Variants in ROBO1 observed in about 807,000 individuals in gnomAD.
The protein encoded by ROBO1 is roundabout guidance receptor 1, also known as roundabout homolog 1.
A neutral mutation model predicts 195.9 loss-of-function variants in ROBO1; 149 were observed. The observed-to-expected ratio is 0.76, with a 90% CI of 0.67 to 0.87. The LOEUF (loss-of-function observed/expected upper bound fraction) is 0.87, where lower values mean the gene tolerates loss of function less well. Among genes scored for constraint, ROBO1 ranks in the 40% least tolerant of loss-of-function variants. The pLI is 0.00. For missense variants in ROBO1, 1,933 were observed against 2,068.3 expected (o/e 0.93, Z 1.27); for synonymous variants, 816 against 733.2 (o/e 1.11, Z -1.82).
At chr3:78,808,690 C>G (rs1033014646) in intron 4 of ROBO1, among the ~76,000 whole-genome samples, 2 of 152,274 alleles carry the variant, frequency 1.3e-5, no homozygotes, top group East Asian at 3.9e-4. Flanking sequence ...AGAAATAACA[C>G]CACGCATCTA....
In ROBO1 at chr3:78,600,307, C is replaced by A. The variant is rs148657018; in HGVS notation, c.4747G>T (p.Asp1583Tyr). ...GTAGGTCTACAATAAGGTAGAATAT[C>A]CTCTGTGTAATGAAATATAATAAAT... The part of the protein sequence containing the change: ...PPAKTHLIQE[D>Y]ILPYCRPTFP... The change falls in exon 30 of 31, where the codon GAT becomes TAT. Residue 1583 changes from aspartate (D) to tyrosine (Y), a missense_variant and splice_region_variant. Physicochemically the swap from Asp to Tyr is radical, Grantham distance 160. Coordinates refer to ENST00000464233, the MANE Select transcript of ROBO1 (RefSeq NM_002941.4). 6.3e-7 allele frequency: 1 copy of A among 1,593,142 alleles called. No individual in the cohort carries two copies. Among genetic ancestry groups the A allele is most frequent in the Non-Finnish European group, 8.6e-7 (1 of 1,161,446 alleles).
intron 2 of ROBO1, among the ~76,000 whole-genome samples, chr3:79,208,687 ATGTGTGTGTGTGTGTGTGTG>A (rs59970776): frequency 2.1e-5 from 3 of 145,214 alleles, no homozygotes; most frequent in Admixed American, 1.4e-4. Flanking sequence ...GTGGTGGGGC[ATGTGTGTGTGTGTGTGTGTG>A]TGTGTGTGTG....
intron 1 of ROBO1, among the ~76,000 whole-genome samples, chr3:79,694,409 T>C (rs1947383162): frequency 2.0e-5 from 3 of 151,936 alleles, no homozygotes; most frequent in Middle Eastern, 3.4e-3. Flanking sequence ...TACAGTGATG[T>C]ATGCTGTGAA....
chr3:78,666,267 G>A (rs1169209904), intron 14 of ROBO1, among the ~76,000 whole-genome samples: 2 of 152,092 alleles, frequency 1.3e-5, no homozygotes, highest in African/African-American at 2.4e-5. Flanking sequence ...TATTAGCAGC[G>A]TGAGAAGAGA....
At chr3:79,684,885 G>T (rs1037348924) in intron 1 of ROBO1, among the ~76,000 whole-genome samples, 24 of 151,574 alleles carry the variant, frequency 1.6e-4, no homozygotes, top group Admixed American at 1.6e-3. Flanking sequence ...CGTGTTGCCC[G>T]GGCCGGTTGC....
chr3:79,233,339 A>G (rs2082352497), intron 2 of ROBO1, among the ~76,000 whole-genome samples: 1 of 152,134 alleles, frequency 6.6e-6, no homozygotes, highest in African/African-American at 2.4e-5. Context: ...ACAAGGAAAT[A>G]TAATCACAGA....
At chr3:79,354,079 A>C (rs2109277233) in intron 2 of ROBO1, among the ~76,000 whole-genome samples, 1 of 152,176 alleles carries the variant, frequency 6.6e-6, no homozygotes, top group Non-Finnish European at 1.5e-5. Context: ...TTATTGTAAT[A>C]GTTTAGGAAG....
intron 5 of ROBO1, among the ~76,000 whole-genome samples, chr3:78,728,526 T>C (rs2082216640): frequency 6.6e-5 from 10 of 152,036 alleles, no homozygotes; most frequent in Admixed American, 6.5e-4. Context: ...TTACAAATTA[T>C]TCACTAGTCT....
intron 2 of ROBO1, among the ~76,000 whole-genome samples, chr3:79,158,127 G>T (rs1237978935): frequency 6.6e-6 from 1 of 151,534 alleles, no homozygotes; most frequent in Non-Finnish European, 1.5e-5. Flanking sequence ...CAACACTCCT[G>T]CCAAAAACAA....
intron 4 of ROBO1, among the ~76,000 whole-genome samples, chr3:78,833,244 A>G (rs2032395749): frequency 6.6e-6 from 1 of 152,204 alleles, no homozygotes; most frequent in Admixed American, 6.5e-5. Context: ...AATCATTCAT[A>G]AAACTAGTTC....
intron 1 of ROBO1, among the ~76,000 whole-genome samples, chr3:79,687,216 T>C (rs894469032): frequency 2.0e-5 from 3 of 152,008 alleles, no homozygotes; most frequent in Non-Finnish European, 4.4e-5. Context: ...AAAAATAAAT[T>C]CAAGATGGAT....
intron 1 of ROBO1, among the ~76,000 whole-genome samples, chr3:79,750,199 G>A (rs912396819): frequency 1.3e-5 from 2 of 152,204 alleles, no homozygotes; most frequent in African/African-American, 4.8e-5. Flanking sequence ...GAATTGCATG[G>A]GGGCTGTGGC....
At chr3:78,963,581 C>A (rs571941589) in intron 3 of ROBO1, among the ~76,000 whole-genome samples, 1 of 126,776 alleles carries the variant, frequency 7.9e-6, no homozygotes, top group African/African-American at 3.0e-5. Context: ...TGCAGTGGCG[C>A]GATCTCGGCT....
At position 79,325,693 on chromosome 3, in the gene ROBO1, A is replaced by G. The variant is rs560970653; in HGVS notation, c.89-200154T>C. On this transcript the variant is annotated intron_variant, in intron 2 of 30. Coordinates refer to ENST00000464233, the MANE Select transcript of ROBO1 (RefSeq NM_002941.4). ...CATAAATTGTGAAGATTTCATGGAC[A>G]CTTATCACTTCCCCAAGTGATTTCC... Among the ~76,000 whole-genome samples the G allele has an allele frequency of 7.2e-5, 11 of 152,318 alleles. 1 individual carries two copies. The South Asian group carries it at 2.3e-3, about 32-fold the overall frequency.
At chr3:79,346,024 G>A (rs370736014) in intron 2 of ROBO1, among the ~76,000 whole-genome samples, 56 of 152,174 alleles carry the variant, frequency 3.7e-4, no homozygotes, top group Non-Finnish European at 7.2e-4. Context: ...AGGATAATTC[G>A]TAGGTCAAGA....
At chr3:78,882,812 C>CTTTT (rs34634729) in intron 4 of ROBO1, among the ~76,000 whole-genome samples, 2 of 136,486 alleles carry the variant, frequency 1.5e-5, no homozygotes, top group African/African-American at 2.7e-5. Flanking sequence ...TCTTCCTAAT[C>CTTTT]TTTTTTTTTT....
At chr3:79,517,920 C>A (rs1941021333) in intron 2 of ROBO1, among the ~76,000 whole-genome samples, 1 of 152,088 alleles carries the variant, frequency 6.6e-6, no homozygotes, top group South Asian at 2.1e-4. Flanking sequence ...ATCATTTAAT[C>A]CCTTTCAGGA....
At chr3:79,600,918 A>G (rs766497715) in intron 1 of ROBO1, among the ~76,000 whole-genome samples, 1 of 152,010 alleles carries the variant, frequency 6.6e-6, no homozygotes, top group Non-Finnish European at 1.5e-5. Flanking sequence ...ACAACTTACT[A>G]TGCACCATCC....
At chr3:79,290,631 C>T (rs957970564) in intron 2 of ROBO1, among the ~76,000 whole-genome samples, 1 of 152,086 alleles carries the variant, frequency 6.6e-6, no homozygotes, top group African/African-American at 2.4e-5. Context: ...CCCTAGAACA[C>T]ATCTTTCTTT....
Sources: gnomAD v4.1 joint callset for allele counts (sites outside exome capture counted in the v4.1 genomes callset) on GRCh38, gnomAD v4.1.1 for gene constraint, MANE v1.5 for transcripts, NCBI Gene and HGNC (gene_info 2026-07-23, HGNC 2026-07-21) for gene names.